The following NSG2 variants were observed in gnomAD, a reference collection of about 807,000 sequenced individuals.
NSG2 encodes the protein neuronal vesicle trafficking-associated protein 2.
In NSG2, 4 loss-of-function variants were observed where a neutral mutation model predicts 16.9. The observed-to-expected ratio is 0.24, with a 90% CI of 0.12 to 0.54. The LOEUF (loss-of-function observed/expected upper bound fraction) is 0.54, where lower values mean the gene tolerates loss of function less well. NSG2 is among the 20% of genes least tolerant of loss of function. NSG2 has a pLI of 0.95. For missense variants in NSG2, 179 were observed against 221.1 expected (o/e 0.81, Z 1.21); for synonymous variants, 98 against 88.7 (o/e 1.11, Z -0.59).
At chr5:174,097,619 C>G (rs1760821637) in intron 3 of NSG2, among the ~76,000 whole-genome samples, 1 of 139,218 alleles carries the variant, frequency 7.2e-6, no homozygotes, top group South Asian at 2.4e-4. Flanking sequence ...GTGTTTCTCT[C>G]TGTGTGTGTC....
chr5:174,081,330 T>C (rs953766287), intron 3 of NSG2, among the ~76,000 whole-genome samples: 3 of 152,362 alleles, frequency 2.0e-5, no homozygotes, highest in Non-Finnish European at 4.4e-5. Context: ...TCTAGTGTTT[T>C]AGCATTTACA....
At chr5:174,065,221 G>A (rs1005895923) in intron 3 of NSG2, among the ~76,000 whole-genome samples, 1 of 151,824 alleles carries the variant, frequency 6.6e-6, no homozygotes, top group Non-Finnish European at 1.5e-5. Context: ...CCATCTACTC[G>A]GGAGGCTGAG....
intron 2 of NSG2, among the ~76,000 whole-genome samples, chr5:174,047,649 T>C (rs770835440): frequency 3.3e-5 from 5 of 152,082 alleles, no homozygotes; most frequent in Non-Finnish European, 7.4e-5. Flanking sequence ...GAGAGTGTCT[T>C]TTGGGGAGGC....
rs181171739 is a variant in NSG2 at position 174,065,235 on chromosome 5, G to A, written c.213+920G>A. The stretch of plus-strand genomic sequence containing the variant: ...CCCATCTACTCGGGAGGCTGAGGCA[G>A]GAGAATGGAGTGAACCAGGGAGGCA... On this transcript the variant is annotated intron_variant, in intron 3 of 4. Transcript: ENST00000303177. Among the ~76,000 whole-genome samples the A allele has an allele frequency of 1.6e-3, 246 of 152,138 alleles. 1 individual carries two copies. The highest frequency in any genetic ancestry group is 2.6e-3 in the Non-Finnish European group (180 of 68,000).
At chr5:174,055,342 C>T (rs1431942200) in intron 2 of NSG2, among the ~76,000 whole-genome samples, 1 of 152,070 alleles carries the variant, frequency 6.6e-6, no homozygotes, top group African/African-American at 2.4e-5. Flanking sequence ...GCCTGTAATC[C>T]CAGCACTTTG....
chr5:174,084,233 A>G (rs1384102975), intron 3 of NSG2: 4 of 152,270 alleles, frequency 2.6e-5, no homozygotes, highest in Admixed American at 2.0e-4. Context: ...TGCTCAGGGC[A>G]GAATTGGGCA....
chr5:174,055,459 G>A (rs775950949), intron 2 of NSG2, among the ~76,000 whole-genome samples: 18 of 152,178 alleles, frequency 1.2e-4, no homozygotes, highest in East Asian at 1.9e-4. Flanking sequence ...TTAGCTGGGC[G>A]TGGTGGCAGG....
chr5:174,084,777 C>T (rs1037709625), intron 3 of NSG2, among the ~76,000 whole-genome samples: 1 of 152,206 alleles, frequency 6.6e-6, no homozygotes, highest in Non-Finnish European at 1.5e-5. Context: ...AACAGGGGAC[C>T]CAATTTGCAG....
At chr5:174,063,221 C>A (rs1201886572) in intron 2 of NSG2, among the ~76,000 whole-genome samples, 1 of 152,220 alleles carries the variant, frequency 6.6e-6, no homozygotes, top group Non-Finnish European at 1.5e-5. Flanking sequence ...GAGGCTTAGA[C>A]AGCTTCTGTG....
At chr5:174,103,632 AG>A (rs1760934458) in intron 3 of NSG2, among the ~76,000 whole-genome samples, 1 of 152,102 alleles carries the variant, frequency 6.6e-6, no homozygotes. Flanking sequence ...AAGGAAAATG[AG>A]GGGGAAATCA....
At chr5:174,106,454 C>T (rs1760982312) in intron 4 of NSG2, among the ~76,000 whole-genome samples, 1 of 152,074 alleles carries the variant, frequency 6.6e-6, no homozygotes, top group Admixed American at 6.6e-5. Flanking sequence ...GAGAAACCTC[C>T]AAGTTCGTCC....
rs571421175 is a variant in NSG2, at chr5:174,072,872, C to T, written c.213+8557C>T. Among the ~76,000 whole-genome samples the T allele has an allele frequency of 9.2e-5, 14 of 152,306 alleles. No individual in the cohort carries two copies. In the East Asian group the frequency reaches 2.7e-3, roughly 29 times the overall value. ...TGGTTATGCATGCCTGTGGTCCCAGCTGCTCAGGAGGCTGAGGCAGGAGGA... is the reference window on the plus strand; with the variant it reads ...TGGTTATGCATGCCTGTGGTCCCAGTTGCTCAGGAGGCTGAGGCAGGAGGA... On this transcript the variant is annotated intron_variant, in intron 3 of 4. Transcript: ENST00000303177. This position sits in a 1 kb window ranked among gnomAD's most constrained non-coding sequence, Gnocchi z 4.0.
chr5:174,091,768 C>T (rs1309044469), intron 3 of NSG2, among the ~76,000 whole-genome samples: 2 of 151,770 alleles, frequency 1.3e-5, no homozygotes, highest in Non-Finnish European at 2.9e-5. Flanking sequence ...GGAAATAATA[C>T]GTGTTTTGGA....
chr5:174,093,293 CATCTACTAGGATAGGCTAGGCCT>C (rs1459013954), intron 3 of NSG2, among the ~76,000 whole-genome samples: 3 of 152,192 alleles, frequency 2.0e-5, no homozygotes, highest in African/African-American at 7.2e-5. Context: ...AAAGGCTGAG[CATCTACTAGGATAGGCTAGGCCT>C]ATCCTGAGGG....
chr5:174,049,695 G>A (rs1275201569), intron 2 of NSG2, among the ~76,000 whole-genome samples: 1 of 152,168 alleles, frequency 6.6e-6, no homozygotes, highest in East Asian at 1.9e-4. Flanking sequence ...GAGTCCCCAG[G>A]TGTGGTCTGT....
At chr5:174,099,244 C>G (rs1409553768) in intron 3 of NSG2, among the ~76,000 whole-genome samples, 1 of 152,156 alleles carries the variant, frequency 6.6e-6, no homozygotes, top group East Asian at 1.9e-4. Flanking sequence ...CAGCTCCCGC[C>G]CCACCCCAGC....
intron 2 of NSG2, among the ~76,000 whole-genome samples, chr5:174,047,627 G>A (rs570674319): frequency 6.6e-6 from 1 of 152,326 alleles, no homozygotes; most frequent in East Asian, 1.9e-4. Context: ...TAGGGGAGCA[G>A]CATGACTGCA....
At chr5:174,073,520 G>A (rs1760279286) in intron 3 of NSG2, among the ~76,000 whole-genome samples, 1 of 152,186 alleles carries the variant, frequency 6.6e-6, no homozygotes, top group African/African-American at 2.4e-5. Context: ...CTTCTGGCCA[G>A]GGTTTTATTG....
At chr5:174,088,669 G>A (rs1354671449) in intron 3 of NSG2, among the ~76,000 whole-genome samples, 1 of 152,174 alleles carries the variant, frequency 6.6e-6, no homozygotes, top group African/African-American at 2.4e-5. Context: ...TGGTCTCTGG[G>A]CACCTGCTCT....
Sources: allele counts gnomAD v4.1 joint callset (sites outside exome capture counted in the v4.1 genomes callset), GRCh38; gene constraint gnomAD v4.1.1; non-coding constraint Gnocchi (gnomAD v3.1); transcripts MANE v1.5; gene names NCBI Gene and HGNC (gene_info 2026-07-23, HGNC 2026-07-21).